The following SYNE2 variants were observed in gnomAD, a reference collection of about 807,000 sequenced individuals.
SYNE2 encodes spectrin repeat containing nuclear envelope protein 2, also known as nesprin-2.
Under a neutral mutation model 856.3 loss-of-function variants are expected in SYNE2, and 431 were observed. That is an observed-to-expected ratio of 0.50 (90% CI 0.47 to 0.55). The LOEUF (loss-of-function observed/expected upper bound fraction) is 0.55. SYNE2 is among the 20% of genes least tolerant of loss of function. SYNE2 has a pLI of 0.00. For synonymous variants in SYNE2, 2,923 were observed against 2,872.3 expected (o/e 1.02, Z -0.56); for missense variants, 8,129 against 8,023.2 (o/e 1.01, Z -0.50).
intron 39 of SYNE2, 148 bp from the exon 40 acceptor site, chr14:64,024,764 A>AT (rs2096964723): frequency 6.6e-6 from 6 of 904,644 alleles, no homozygotes; most frequent in Non-Finnish European, 1.0e-5. Flanking sequence ...TGTTAATTAG[A>AT]TTTTTTATAT....
At position 63,837,910 on chromosome 14, in the gene SYNE2, C is replaced by T. The variant is rs140239544; in HGVS notation, c.-304-14591C>T. Among the ~76,000 whole-genome samples the T allele has an allele frequency of 1.7e-3, 172 of 101,898 alleles. 1 individual carries two copies. Among genetic ancestry groups the T allele is most frequent in the African/African-American group, 6.3e-3 (164 of 25,978 alleles). The allele number at this position is 101,898 out of a possible 152,430, so 66.8% of individuals were successfully genotyped here. ...CTCCAGGCTGGATGACAAAGTGAGACTCTGTTTCAAAAAAAAAAAAAAAAA... is the reference window on the plus strand; with the variant it reads ...CTCCAGGCTGGATGACAAAGTGAGATTCTGTTTCAAAAAAAAAAAAAAAAA... On this transcript the variant is annotated intron_variant, in intron 1 of 23. Coordinates refer to the SYNE2 transcript ENST00000674003.
chr14:64,164,764 G>A (rs752336445), intron 89 of SYNE2, among the ~76,000 whole-genome samples: 3 of 152,226 alleles, frequency 2.0e-5, no homozygotes, highest in Non-Finnish European at 2.9e-5. Context: ...TCAAAGGCAC[G>A]AGTGAAAAAT....
intron 57 of SYNE2, among the ~76,000 whole-genome samples, chr14:64,087,172 T>G (rs1445617119): frequency 6.6e-6 from 1 of 150,424 alleles, no homozygotes; most frequent in Non-Finnish European, 1.5e-5. Flanking sequence ...TTGAATAAGA[T>G]TAATATAAAA....
At chr14:63,984,658 G>T (rs185739877) in intron 18 of SYNE2, among the ~76,000 whole-genome samples, 23 of 152,144 alleles carry the variant, frequency 1.5e-4, no homozygotes, top group Non-Finnish European at 3.1e-4. Flanking sequence ...TCATATACTT[G>T]TAAGATATAA....
chr14:64,216,636 A>T (rs1321728342), intron 108 of SYNE2, among the ~76,000 whole-genome samples: 1 of 152,194 alleles, frequency 6.6e-6, no homozygotes, highest in Non-Finnish European at 1.5e-5. Context: ...TGTAACAGTC[A>T]TTATTACTGT....
intron 100 of SYNE2, among the ~76,000 whole-genome samples, chr14:64,204,020 C>A (rs2098593515): frequency 6.6e-6 from 1 of 152,136 alleles, no homozygotes; most frequent in Non-Finnish European, 1.5e-5. Flanking sequence ...CCTGGCCCTC[C>A]CTGCTCTTGA....
intron 10 of SYNE2, 145 bp from the exon 11 acceptor site, chr14:63,967,564 C>T (rs1334965513): frequency 2.7e-6 from 2 of 740,622 alleles, no homozygotes; most frequent in Non-Finnish European, 4.3e-6. Flanking sequence ...GAAACCAGAG[C>T]AGAGAGAGGA....
In SYNE2 at chr14:64,138,946, G is replaced by GGTGTGT. The variant is rs150016027; in HGVS notation, c.14844-966_14844-961dup. On this transcript the variant is annotated intron_variant, in intron 79 of 115. Transcript: ENST00000555002. ...TGTGTGTGTGTGTGTGTGTATGTAT[G>GGTGTGT]GTGTGTGTGTGTGTGTGTGTGTGTG... Among the ~76,000 whole-genome samples, 858 of 137,744 alleles carry GGTGTGT rather than the reference G, an allele frequency of 6.2e-3. 4 individuals are homozygous for GGTGTGT. The highest frequency in any genetic ancestry group is 0.011 in the African/African-American group (381 of 35,572). The allele number at this position is 137,744 out of a possible 152,430, so 90.4% of individuals were successfully genotyped here.
At chr14:63,941,321 C>T (rs564219955) in intron 3 of SYNE2, among the ~76,000 whole-genome samples, 13 of 152,272 alleles carry the variant, frequency 8.5e-5, no homozygotes, top group African/African-American at 2.9e-4. Context: ...CATTTCAACA[C>T]GATGCTTGTA....
chr14:63,809,043 A>G (rs1888502453), intron 1 of SYNE2, among the ~76,000 whole-genome samples: 1 of 152,054 alleles, frequency 6.6e-6, no homozygotes. Context: ...CAAACAAACG[A>G]GAAAGTGGAG....
intron 1 of SYNE2, among the ~76,000 whole-genome samples, chr14:63,823,470 C>T (rs1339054524): frequency 6.6e-6 from 1 of 152,048 alleles, no homozygotes; most frequent in Non-Finnish European, 1.5e-5. Context: ...AGCCACCACA[C>T]CCAGCCCAAG....
intron 45 of SYNE2, among the ~76,000 whole-genome samples, chr14:64,047,761 CA>C (rs936642152): frequency 2.0e-4 from 31 of 152,204 alleles, no homozygotes; most frequent in African/African-American, 6.5e-4. Flanking sequence ...GATTTTGCTT[CA>C]GTATACAATT....
chr14:63,943,564 T>C (rs1239428886), intron 6 of SYNE2, among the ~76,000 whole-genome samples: 1 of 152,130 alleles, frequency 6.6e-6, no homozygotes, highest in African/African-American at 2.4e-5. Context: ...GAAAACTAAA[T>C]TTAAGTTGTG....
chr14:64,111,199 CA>C (rs35950915), intron 65 of SYNE2, among the ~76,000 whole-genome samples: 193 of 129,440 alleles, frequency 1.5e-3, no homozygotes, highest in Non-Finnish European at 1.4e-3. Context: ...GACCCCATCT[CA>C]AAAAAAAAAA....
chr14:64,119,537 G>C lies in SYNE2; in HGVS notation c.12951G>C (p.Leu4317=). ...AACATGAGGCTGAAGCGCTTTCCCT[G>C]AAACTGAAAACAGTGAAGTGCAATT... The part of the protein sequence containing the change: ...ATQHEAEALS[L]KLKTVKCNLE... Residue 4317 remains leucine, a synonymous_variant, in exon 67 of 116, where the codon CTG becomes CTC. Transcript: ENST00000555002. 6.2e-7 allele frequency: 1 copy of C among 1,614,180 alleles called. No individual in the cohort carries two copies. The highest frequency in any genetic ancestry group is 1.1e-5 in the South Asian group (1 of 91,084).
At chr14:63,937,188 G>A (rs912465087) in intron 2 of SYNE2, among the ~76,000 whole-genome samples, 4 of 152,174 alleles carry the variant, frequency 2.6e-5, no homozygotes, top group Admixed American at 6.5e-5. Flanking sequence ...ATCGGTATGG[G>A]TTCAGTTAAG....
At chr14:64,001,375 A>G (rs1461235824) in intron 28 of SYNE2, among the ~76,000 whole-genome samples, 3 of 152,212 alleles carry the variant, frequency 2.0e-5, no homozygotes, top group South Asian at 2.1e-4. Flanking sequence ...TCAGTGTGGT[A>G]TATATTACAC....
rs372336636 is a variant in SYNE2, at chr14:64,052,219, A to G, written c.8306A>G (p.Lys2769Arg). The G allele has an allele frequency of 6.8e-6, 11 of 1,614,064 alleles. No individual in the cohort carries two copies. Among genetic ancestry groups the G allele is most frequent in the Middle Eastern group, 3.3e-4 (2 of 6,084 alleles). The change falls in exon 48 of 116, where the codon AAA becomes AGA. Residue 2769 changes from lysine to arginine, a missense_variant. Around this residue, in one of 3 missense-constraint regions of SYNE2, gnomAD observed 5,410 missense variants for 5,284.8 expected, o/e 1.02. Coordinates refer to ENST00000555002, the MANE Select transcript of SYNE2 (RefSeq NM_182914.3). The stretch of plus-strand genomic sequence containing the variant: ...ATTCTTTCACAGATCAGAAAGTGCA[A>G]AGTGACACATGATGGCATTCTAGCT... ...DDILSQIRKCKVTHDGILARQ... is the reference protein window; with the variant it reads ...DDILSQIRKCRVTHDGILARQ...
chr14:63,942,170 A>T (rs2095927415), intron 6 of SYNE2, 27 bp downstream of exon 6: 1 of 1,324,360 alleles, frequency 7.6e-7, no homozygotes, highest in Non-Finnish European at 1.1e-6. Flanking sequence ...TATAAAAATT[A>T]TTTCTACCCT....
Sources: gnomAD v4.1 joint callset for allele counts (sites outside exome capture counted in the v4.1 genomes callset) on GRCh38, gnomAD v4.1.1 for gene constraint, gnomAD v4.1.1 regional missense constraint, MANE v1.5 for transcripts, NCBI Gene and HGNC (gene_info 2026-07-23, HGNC 2026-07-21) for gene names.